OTUD7A: variants seen among roughly 807,000 people sequenced by gnomAD.
OTUD7A encodes OTU deubiquitinase 7A, also known as OTU domain-containing protein 7A.
OTUD7A carries 12 observed loss-of-function variants against 65.7 expected under a neutral mutation model. The observed-to-expected ratio is 0.18, with a 90% CI of 0.12 to 0.30. The LOEUF (loss-of-function observed/expected upper bound fraction) is 0.30. Ranked by LOEUF, OTUD7A falls within the 10% of genes least tolerant of loss-of-function variation. The pLI, the probability that OTUD7A is intolerant of heterozygous loss-of-function variation, is 1.00. For missense variants in OTUD7A, 1,148 were observed against 1,304.8 expected, an observed-to-expected ratio of 0.88 and a Z score of 1.85; for synonymous variants, 641 against 586.3, an observed-to-expected ratio of 1.09 and a Z score of -1.35.
intron 1 of OTUD7A, among the ~76,000 whole-genome samples, chr15:31,835,161 T>C (rs1008437260): frequency 1.3e-5 from 2 of 152,202 alleles, no homozygotes; most frequent in Non-Finnish European, 2.9e-5. Context: ...GCTTTTACCT[T>C]GGATGAAAGT....
chr15:31,607,416 C>G (rs899054640), intron 3 of OTUD7A, among the ~76,000 whole-genome samples: 3 of 152,154 alleles, frequency 2.0e-5, no homozygotes, highest in Admixed American at 2.0e-4. Context: ...TACTTAAATA[C>G]CTGATTGGCT....
At chr15:31,758,395 G>A (rs1894872341) in intron 1 of OTUD7A, among the ~76,000 whole-genome samples, 1 of 152,122 alleles carries the variant, frequency 6.6e-6, no homozygotes, top group African/African-American at 2.4e-5. Context: ...TCATTCTACT[G>A]AGTCTTTCTC....
chr15:31,615,257 C>G (rs766039514), intron 3 of OTUD7A, among the ~76,000 whole-genome samples: 3 of 152,048 alleles, frequency 2.0e-5, no homozygotes, highest in Non-Finnish European at 4.4e-5. Flanking sequence ...CAAACTGTCA[C>G]AAAGGTTGAA....
At chr15:31,710,859 G>A (rs964981308) in intron 1 of OTUD7A, among the ~76,000 whole-genome samples, 1 of 152,080 alleles carries the variant, frequency 6.6e-6, no homozygotes, top group Non-Finnish European at 1.5e-5. Flanking sequence ...GGGGCCCCCA[G>A]GCCACAAACT....
chr15:31,702,711 C>G (rs1304433693), intron 1 of OTUD7A, among the ~76,000 whole-genome samples: 2 of 151,630 alleles, frequency 1.3e-5, no homozygotes, highest in Non-Finnish European at 2.9e-5. Context: ...CAATTCCTGT[C>G]AAAATTCAGC....
intron 6 of OTUD7A, among the ~76,000 whole-genome samples, chr15:31,528,652 A>G (rs2042046908): frequency 6.6e-6 from 1 of 152,198 alleles, no homozygotes; most frequent in Non-Finnish European, 1.5e-5. Flanking sequence ...GGACTCTCCC[A>G]CAGCTCCTTG....
At chr15:31,587,621 C>T (rs937766055) in intron 3 of OTUD7A, among the ~76,000 whole-genome samples, 1 of 147,018 alleles carries the variant, frequency 6.8e-6, no homozygotes, top group Non-Finnish European at 1.5e-5. Flanking sequence ...GCCTGGGAAA[C>T]AGACTGAGAC....
chr15:31,521,951 G>A (rs1269944308), intron 8 of OTUD7A, among the ~76,000 whole-genome samples: 1 of 152,160 alleles, frequency 6.6e-6, no homozygotes, highest in South Asian at 2.1e-4. Context: ...TCTTTTAAAA[G>A]TTTAAAGAAC....
intron 1 of OTUD7A, among the ~76,000 whole-genome samples, chr15:31,669,493 A>T (rs987436154): frequency 1.3e-5 from 2 of 152,140 alleles, no homozygotes; most frequent in African/African-American, 4.8e-5. Context: ...GTCTTCTCCC[A>T]CTGTGCCTCC....
chr15:31,753,721 TTATA>T (rs149582805), intron 1 of OTUD7A, among the ~76,000 whole-genome samples: 11 of 106,770 alleles, frequency 1.0e-4, no homozygotes, highest in African/African-American at 4.0e-4. Flanking sequence ...TATATATATA[TTATA>T]TATATATATA....
At chr15:31,848,460 A>G (rs1009655116) in intron 1 of OTUD7A, among the ~76,000 whole-genome samples, 56 of 152,054 alleles carry the variant, frequency 3.7e-4, no homozygotes, top group Admixed American at 2.0e-4. Flanking sequence ...TTAAAAAAAA[A>G]CAGTTTTCTC....
chr15:31,636,899 G>A (rs549349462), intron 3 of OTUD7A, among the ~76,000 whole-genome samples: 1 of 152,294 alleles, frequency 6.6e-6, no homozygotes, highest in East Asian at 1.9e-4. Flanking sequence ...GAGAGGTGAG[G>A]AAGCTACAGA....
intron 1 of OTUD7A, among the ~76,000 whole-genome samples, chr15:31,792,549 T>C (rs1895845240): frequency 6.6e-6 from 1 of 152,154 alleles, no homozygotes; most frequent in Non-Finnish European, 1.5e-5. Flanking sequence ...CTGTATTCCC[T>C]CTGTCTGGCC....
intron 1 of OTUD7A, among the ~76,000 whole-genome samples, chr15:31,788,379 C>T (rs974495981): frequency 2.0e-5 from 3 of 152,278 alleles, no homozygotes; most frequent in African/African-American, 4.8e-5. Flanking sequence ...CATGACTGGG[C>T]GGGAACCATG....
intron 3 of OTUD7A, among the ~76,000 whole-genome samples, chr15:31,598,362 C>A (rs982462757): frequency 2.0e-5 from 3 of 152,192 alleles, no homozygotes; most frequent in Admixed American, 1.3e-4. Context: ...CGAGCCGAAG[C>A]AGGGCAGGGC....
At chr15:31,704,122 T>G (rs1452511369) in intron 1 of OTUD7A, among the ~76,000 whole-genome samples, 2 of 124,108 alleles carry the variant, frequency 1.6e-5, no homozygotes, top group Non-Finnish European at 3.5e-5. Flanking sequence ...GGAAATGTTC[T>G]ACATATTGAC....
At chr15:31,744,517 TA>T (rs973193395) in intron 1 of OTUD7A, among the ~76,000 whole-genome samples, 135 of 152,122 alleles carry the variant, frequency 8.9e-4, no homozygotes, top group African/African-American at 3.2e-3. Context: ...CCTATTCATT[TA>T]AAAAAAATCC....
chr15:31,764,715 T>C (rs78358451), intron 1 of OTUD7A, among the ~76,000 whole-genome samples: 2 of 152,236 alleles, frequency 1.3e-5, no homozygotes, highest in African/African-American at 4.8e-5. Context: ...TAAAAAAAAA[T>C]ACTAATCCCT....
At chr15:31,787,954 A>C in intron 1 of OTUD7A, among the ~76,000 whole-genome samples, 1 of 152,208 alleles carries the variant, frequency 6.6e-6, no homozygotes, top group South Asian at 2.1e-4. Flanking sequence ...GCTTTATTTA[A>C]CATGGAAAGC....
Sources: gnomAD v4.1 joint callset for allele counts (sites outside exome capture counted in the v4.1 genomes callset) on GRCh38, gnomAD v4.1.1 for gene constraint, MANE v1.5 for transcripts, NCBI Gene and HGNC (gene_info 2026-07-23, HGNC 2026-07-21) for gene names.